The following KDM1A variants were observed in gnomAD, a reference collection of about 807,000 sequenced individuals.
KDM1A encodes the protein lysine demethylase 1A, also known as lysine-specific histone demethylase 1A.
Under a neutral mutation model 109.4 loss-of-function variants are expected in KDM1A, and 49 were observed. That is an observed-to-expected ratio of 0.45 (90% confidence interval 0.36 to 0.57). KDM1A has a LOEUF of 0.57. KDM1A is among the 20% of genes least tolerant of loss of function. The pLI, the probability that KDM1A is intolerant of heterozygous loss-of-function variation, is 0.00. For missense variants in KDM1A, 668 were observed against 1,116.6 expected (o/e 0.60, Z 5.73); for synonymous variants, 380 against 415.4 (o/e 0.91, Z 1.04).
chr1:23,083,672 A>AAACT lies in KDM1A; in HGVS notation c.*309_*312dup, dbSNP rs1333638972. The AAACT allele has an allele frequency of 4.7e-6, 1 of 211,932 alleles. No individual in the cohort carries two copies. Among genetic ancestry groups the AAACT allele is most frequent in the Non-Finnish European group, 9.3e-6 (1 of 107,816 alleles). 13.1% of individuals were successfully genotyped at this position (211,932 alleles called of 1,614,324 possible). On this transcript the variant is annotated 3_prime_UTR_variant, in exon 21 of 21. Coordinates refer to ENST00000400181, the MANE Select transcript of KDM1A (RefSeq NM_001009999.3). ...GTTTTTTTTTTATATTTTGAGAATA[A>AAACT]AACTTCATATAAAATTGGCCCTCTC...
intron 3 of KDM1A, 80 bp downstream of exon 3, chr1:23,044,566 G>A: frequency 1.6e-6 from 2 of 1,252,782 alleles, no homozygotes; most frequent in Non-Finnish European, 2.2e-6. Flanking sequence ...GTTTTTGGCT[G>A]TGGTATCCAC....
chr1:23,057,623 T>A, intron 8 of KDM1A, 58 bp downstream of exon 8: 2 of 1,296,300 alleles, frequency 1.5e-6, no homozygotes, highest in Non-Finnish European at 2.2e-6. Context: ...TAAAAGAAAT[T>A]TAAAGCCAGA....
chr1:23,027,164 G>A (rs933287574), intron 1 of KDM1A, among the ~76,000 whole-genome samples: 1 of 151,820 alleles, frequency 6.6e-6, no homozygotes, highest in Non-Finnish European at 1.5e-5. Flanking sequence ...GTAGTATTAA[G>A]AAGTTAAAAT....
chr1:23,078,974 C>A lies in KDM1A; in HGVS notation c.1868-16C>A, dbSNP rs2124544301. ...ATATTCATCACCACTAGTCTTTTCCCACCCAACCTCTGCAGGATGTGAAGT... is the reference window on the plus strand; with the variant it reads ...ATATTCATCACCACTAGTCTTTTCCAACCCAACCTCTGCAGGATGTGAAGT... On this transcript the variant is annotated splice_polypyrimidine_tract_variant and intron_variant, in intron 16 of 20. Coordinates refer to ENST00000400181, the MANE Select transcript of KDM1A (RefSeq NM_001009999.3). 2.5e-6 allele frequency: 4 copies of A among 1,607,856 alleles called. No individual in the cohort carries two copies. In the South Asian group the frequency reaches 3.3e-5, roughly 13 times the overall value.
intron 7 of KDM1A, 138 bp downstream of exon 7, chr1:23,056,176 G>T: frequency 4.0e-6 from 2 of 502,924 alleles, no homozygotes; most frequent in Admixed American, 3.7e-5. Flanking sequence ...TTTGGATAGT[G>T]TTATTTATAT....
At chr1:23,021,196 A>C (rs1256012096) in intron 1 of KDM1A, among the ~76,000 whole-genome samples, 1 of 152,170 alleles carries the variant, frequency 6.6e-6, no homozygotes, top group African/African-American at 2.4e-5. Context: ...GCTGGATGAA[A>C]GACCGTTTTG....
rs556099997 is a variant in KDM1A at position 23,024,076 on chromosome 1, T to G, written c.351+4129T>G. On this transcript the variant is annotated intron_variant, in intron 1 of 20. Transcript: ENST00000400181. ...GTTGCCCCAGCTGGCCTCGAACTTC[T>G]GGGCTCAATCATTCCTCCTGCCTCA... is the stretch of plus-strand genomic sequence containing the variant. Among the ~76,000 whole-genome samples, 5 of 152,270 alleles carry G rather than the reference T, an allele frequency of 3.3e-5. No individual in the cohort carries two copies. In the East Asian group the frequency reaches 9.7e-4, roughly 29 times the overall value.
chr1:23,059,063 T>G lies in KDM1A; in HGVS notation c.1073-10T>G, dbSNP rs768040021. ...GTCTATTGAATTTAATTGCTTGAGTTTTTTTCTAGGAGGGAATCCTATGGC... is the reference window on the plus strand; with the variant it reads ...GTCTATTGAATTTAATTGCTTGAGTGTTTTTCTAGGAGGGAATCCTATGGC... On this transcript the variant is annotated splice_polypyrimidine_tract_variant and intron_variant, in intron 8 of 20. Coordinates refer to ENST00000400181, the MANE Select transcript of KDM1A (RefSeq NM_001009999.3). 2.5e-6 allele frequency: 4 copies of G among 1,590,344 alleles called. No individual in the cohort carries two copies. The South Asian group carries it at 3.4e-5, about 14-fold the overall frequency.
At position 23,083,428 on chromosome 1, in the gene KDM1A, T is replaced by C; in HGVS notation, c.*64T>C. On this transcript the variant is annotated 3_prime_UTR_variant, in exon 21 of 21. Coordinates refer to ENST00000400181, the MANE Select transcript of KDM1A (RefSeq NM_001009999.3). ...TTCTGCCATGTAAGGAAGGCTCTTC[T>C]AGCAATACTAGATCCCACTGAGAAA... 1.3e-6 allele frequency: 2 copies of C among 1,482,972 alleles called. No homozygotes were observed. The highest frequency in any genetic ancestry group is 1.4e-5 in the African/African-American group (1 of 72,228). The allele number at this position is 1,482,972 out of a possible 1,614,324, so 91.9% of individuals were successfully genotyped here. A position where few individuals can be genotyped will look rare whatever the true frequency, so the allele number is the denominator to read the frequency against.
At chr1:23,021,165 ACT>A (rs1310933794) in intron 1 of KDM1A, among the ~76,000 whole-genome samples, 1 of 152,106 alleles carries the variant, frequency 6.6e-6, no homozygotes, top group Non-Finnish European at 1.5e-5. Flanking sequence ...ACTTGAGCCA[ACT>A]CTCTAAAGTA....
In KDM1A at chr1:23,030,537, G is replaced by A. The variant is rs201780098; in HGVS notation, c.420G>A (p.Glu140=). 1.2e-6 allele frequency: 2 copies of A among 1,612,976 alleles called. No homozygotes were observed. Among genetic ancestry groups the A allele is most frequent in the Non-Finnish European group, 8.5e-7 (1 of 1,179,708 alleles). Residue 140 remains glutamate, a synonymous_variant, in exon 2 of 21, where the codon GAG becomes GAA. Coordinates refer to ENST00000400181, the MANE Select transcript of KDM1A (RefSeq NM_001009999.3). ...LSEDEYYSEE[E]RNAKAEKEKK... ...AAGATGAGTATTATTCAGAAGAAGAGAGAAATGCCAAAGCAGAGAAGGAAA... is the reference window on the plus strand; with the variant it reads ...AAGATGAGTATTATTCAGAAGAAGAAAGAAATGCCAAAGCAGAGAAGGAAA...
rs1481317979 is a variant in KDM1A, at chr1:23,069,072, A to G, written c.1334A>G (p.Lys445Arg). 6.2e-7 allele frequency: 1 copy of G among 1,607,732 alleles called. No individual in the cohort carries two copies. The highest frequency in any genetic ancestry group is 8.5e-7 in the Non-Finnish European group (1 of 1,176,874). Reference protein sequence around the residue: ...ALEVVIQLQEKHVKDEQIEHW... With the variant: ...ALEVVIQLQERHVKDEQIEHW... ...ATTGTCTCTCTTAGGTTACAAGAGAAGCATGTCAAAGATGAGCAGATTGAA... is the reference window on the plus strand; with the variant it reads ...ATTGTCTCTCTTAGGTTACAAGAGAGGCATGTCAAAGATGAGCAGATTGAA... The change falls in exon 12 of 21, where the codon AAG becomes AGG. Residue 445 changes from lysine to arginine, a missense_variant. Physicochemically the swap from Lys to Arg is conservative, Grantham distance 26. Coordinates refer to ENST00000400181, the MANE Select transcript of KDM1A (RefSeq NM_001009999.3).
intron 2 of KDM1A, among the ~76,000 whole-genome samples, chr1:23,035,447 C>G (rs188189226): frequency 8.6e-4 from 131 of 152,282 alleles, no homozygotes; most frequent in African/African-American, 3.1e-3. Context: ...GGTGATCCAC[C>G]TGCCTCAGCC....
chr1:23,071,347 C>T lies in KDM1A; in HGVS notation c.1536C>T (p.Thr512=), dbSNP rs546600013. 15 of 1,610,212 alleles carry T rather than the reference C, an allele frequency of 9.3e-6. No homozygotes were observed. The highest frequency in any genetic ancestry group is 4.5e-5 in the East Asian group (2 of 44,840). The change falls in exon 13 of 21, where the codon ACC becomes ACT. Residue 512 remains threonine, a synonymous_variant. Transcript: ENST00000400181. Reference sequence around the variant, plus strand: ...TGAAAAGCAAACACAGGGATCTGACCGCCCTATGCAAGGTGTGGTATACAT... The same window carrying T: ...TGAAAAGCAAACACAGGGATCTGACTGCCCTATGCAAGGTGTGGTATACAT... ...FLVKSKHRDL[T]ALCKEYDELA...
intron 2 of KDM1A, among the ~76,000 whole-genome samples, chr1:23,042,944 T>C (rs1642396236): frequency 1.3e-5 from 2 of 151,744 alleles, no homozygotes; most frequent in South Asian, 2.1e-4. Context: ...AAATAAGGTT[T>C]CACCAAGTTG....
intron 7 of KDM1A, 139 bp from the exon 8 acceptor site, chr1:23,057,345 A>G: frequency 1.6e-6 from 1 of 644,736 alleles, no homozygotes; most frequent in East Asian, 2.8e-5. Flanking sequence ...CTTTGTGCCC[A>G]TAGTACTGTT....
At chr1:23,039,609 T>C (rs1361038610) in intron 2 of KDM1A, among the ~76,000 whole-genome samples, 1 of 152,212 alleles carries the variant, frequency 6.6e-6, no homozygotes, top group South Asian at 2.1e-4. Context: ...TCCCACTGCT[T>C]TTTCAGACCA....
intron 2 of KDM1A, among the ~76,000 whole-genome samples, chr1:23,040,047 A>G (rs931108528): frequency 7.2e-5 from 11 of 152,242 alleles, no homozygotes; most frequent in Admixed American, 7.2e-4. Context: ...ATTAAATTCA[A>G]TTGAAATCAG....
intron 7 of KDM1A, among the ~76,000 whole-genome samples, chr1:23,057,274 T>C (rs1642858456): frequency 6.6e-6 from 1 of 152,250 alleles, no homozygotes; most frequent in Non-Finnish European, 1.5e-5. Flanking sequence ...TGACATTTAA[T>C]TATATGTCAT....
Sources: gnomAD v4.1 joint callset for allele counts (sites outside exome capture counted in the v4.1 genomes callset) on GRCh38, gnomAD v4.1.1 for gene constraint, MANE v1.5 for transcripts, NCBI Gene and HGNC (gene_info 2026-07-23, HGNC 2026-07-21) for gene names.